The following RBFOX3 variants were observed in gnomAD, a reference collection of about 807,000 sequenced individuals.
The protein encoded by RBFOX3 is RNA binding fox-1 homolog 3.
Under a neutral mutation model 48.7 loss-of-function variants are expected in RBFOX3, and 17 were observed. That is an observed-to-expected ratio of 0.35 (90% CI 0.24 to 0.52). The LOEUF (loss-of-function observed/expected upper bound fraction) is 0.52, where lower values mean the gene tolerates loss of function less well. RBFOX3 is among the 20% of genes least tolerant of loss of function. The probability of loss-of-function intolerance (pLI) is 0.94; values close to 1 mark genes in which losing one functional copy is unlikely to be tolerated. For missense variants in RBFOX3, 382 were observed against 497.5 expected (o/e 0.77, Z 2.21); for synonymous variants, 212 against 209.5 (o/e 1.01, Z -0.10).
At chr17:79,531,827 A>G (rs1048316555) in intron 1 of RBFOX3, among the ~76,000 whole-genome samples, 1 of 152,256 alleles carries the variant, frequency 6.6e-6, no homozygotes, top group Non-Finnish European at 1.5e-5. Flanking sequence ...CAATTTGTGC[A>G]AATCAATCAC....
At chr17:79,370,200 T>C (rs1020928035) in intron 2 of RBFOX3, among the ~76,000 whole-genome samples, 1 of 152,208 alleles carries the variant, frequency 6.6e-6, no homozygotes, top group African/African-American at 2.4e-5. Flanking sequence ...CTGACAGCAC[T>C]TGGACGTCAG....
At chr17:79,445,434 T>C (rs1555737597) in intron 2 of RBFOX3, among the ~76,000 whole-genome samples, 1 of 152,042 alleles carries the variant, frequency 6.6e-6, no homozygotes, top group African/African-American at 2.4e-5. Flanking sequence ...AGGAGGAGAC[T>C]CGATTCTCTA....
intron 4 of RBFOX3, among the ~76,000 whole-genome samples, chr17:79,125,363 T>C (rs1416336809): frequency 6.6e-6 from 1 of 152,238 alleles, no homozygotes; most frequent in African/African-American, 2.4e-5. Flanking sequence ...ATGACTCATC[T>C]GCCTGGAGGC....
the RBFOX3 span, among the ~76,000 whole-genome samples, chr17:79,654,918 G>A: frequency 5.9e-5 from 9 of 152,270 alleles, no homozygotes; most frequent in South Asian, 1.7e-3. Context: ...ACCGTCTAAG[G>A]ACTAAGATCT....
chr17:79,582,049 T>A (rs1391871485), intron 1 of RBFOX3, among the ~76,000 whole-genome samples: 1 of 138,574 alleles, frequency 7.2e-6, no homozygotes, highest in African/African-American at 2.7e-5. Flanking sequence ...TATGCATGCA[T>A]GTGCCTGCCC....
At chr17:79,604,640 G>A (rs1219708618) in intron 1 of RBFOX3, among the ~76,000 whole-genome samples, 7 of 152,354 alleles carry the variant, frequency 4.6e-5, no homozygotes, top group African/African-American at 1.7e-4. Flanking sequence ...ATCCAGGAGA[G>A]AAACCTCTAA....
intron 1 of RBFOX3, among the ~76,000 whole-genome samples, chr17:79,488,367 G>A (rs2149559954): frequency 6.6e-6 from 1 of 152,200 alleles, no homozygotes; most frequent in East Asian, 1.9e-4. Context: ...CCCTCCCCGG[G>A]GCCTACTGAC....
At chr17:79,396,485 AG>A (rs1208181991) in intron 2 of RBFOX3, among the ~76,000 whole-genome samples, 1 of 152,210 alleles carries the variant, frequency 6.6e-6, no homozygotes. Context: ...AGAAGAATTA[AG>A]GGTTTCTTTC....
rs1365742303 is a variant in RBFOX3, at chr17:79,391,211, C to T, written c.-174-83387G>A. Among the ~76,000 whole-genome samples, 2 of 152,066 alleles carry T rather than the reference C, an allele frequency of 1.3e-5. No individual in the cohort carries two copies. Among genetic ancestry groups the T allele is most frequent in the Admixed American group, 1.3e-4 (2 of 15,280 alleles). Reference sequence around the variant, plus strand: ...ACTCCAGCTTCTCTTCAACCGTCAGCGACTTCCCCACTGCTTGCAGGATGA... The same window carrying T: ...ACTCCAGCTTCTCTTCAACCGTCAGTGACTTCCCCACTGCTTGCAGGATGA... On this transcript the variant is annotated intron_variant, in intron 2 of 14. Coordinates refer to ENST00000693108, the MANE Select transcript of RBFOX3 (RefSeq NM_001350451.2). This position sits in a 1 kb window ranked among gnomAD's most constrained non-coding sequence, Gnocchi z 5.0.
intron 3 of RBFOX3, among the ~76,000 whole-genome samples, chr17:79,253,134 C>G (rs1427590493): frequency 6.6e-6 from 1 of 152,104 alleles, no homozygotes; most frequent in Non-Finnish European, 1.5e-5. Context: ...TCCTGGCGGC[C>G]GACAGACACC....
At chr17:79,582,213 C>T (rs921656119) in intron 1 of RBFOX3, among the ~76,000 whole-genome samples, 6,957 of 136,502 alleles carry the variant, frequency 0.051, 313 homozygotes, top group African/African-American at 0.093. Flanking sequence ...TGTGCCTGTG[C>T]GTGCCTGTGT....
intron 3 of RBFOX3, among the ~76,000 whole-genome samples, chr17:79,266,060 G>A (rs1194392972): frequency 1.3e-5 from 2 of 152,264 alleles, no homozygotes; most frequent in African/African-American, 4.8e-5. Flanking sequence ...CCGGGCAGGT[G>A]AGACTGTCTG....
intron 4 of RBFOX3, among the ~76,000 whole-genome samples, chr17:79,142,524 T>G (rs1300888078): frequency 6.6e-6 from 1 of 152,062 alleles, no homozygotes; most frequent in Non-Finnish European, 1.5e-5. Flanking sequence ...GGCCAGCAGA[T>G]CTGCCCCTAC....
intron 4 of RBFOX3, among the ~76,000 whole-genome samples, chr17:79,143,402 A>C (rs2042337501): frequency 6.9e-6 from 1 of 143,902 alleles, no homozygotes; most frequent in Non-Finnish European, 1.5e-5. Context: ...CTATAAATCC[A>C]TCTCAGGCAT....
intron 2 of RBFOX3, among the ~76,000 whole-genome samples, chr17:79,383,275 G>A (rs2060161388): frequency 6.6e-6 from 1 of 152,206 alleles, no homozygotes; most frequent in Non-Finnish European, 1.5e-5. Flanking sequence ...CCTCTCCCCA[G>A]GACAGGCTGT....
At chr17:79,182,755 G>A (rs115786259) in intron 4 of RBFOX3, among the ~76,000 whole-genome samples, 4,351 of 150,238 alleles carry the variant, frequency 0.029, 214 homozygotes, top group African/African-American at 0.1. Flanking sequence ...CTCGCCAGGC[G>A]GGTGGCCCAC....
At chr17:79,493,656 T>C (rs1306238372) in intron 1 of RBFOX3, among the ~76,000 whole-genome samples, 5 of 152,228 alleles carry the variant, frequency 3.3e-5, no homozygotes, top group Admixed American at 3.3e-4. Context: ...TAATTATATT[T>C]TCATTTGTTT....
chr17:79,103,662 G>C lies in RBFOX3; in HGVS notation c.415-408C>G, dbSNP rs972900084. Among the ~76,000 whole-genome samples, 1 of 152,128 alleles carries C rather than the reference G, an allele frequency of 6.6e-6. No individual in the cohort carries two copies. Among genetic ancestry groups the C allele is most frequent in the East Asian group, 1.9e-4 (1 of 5,186 alleles). On this transcript the variant is annotated intron_variant, in intron 7 of 14. Transcript: ENST00000693108. This position sits in a 1 kb window ranked among gnomAD's most constrained non-coding sequence, Gnocchi z 6.1. Reference sequence around the variant, plus strand: ...GGGCAGCCCACCCATCTCCACCCTCGGAGCCCAGGGTAGAGGGTCGTGCCT... The same window carrying C: ...GGGCAGCCCACCCATCTCCACCCTCCGAGCCCAGGGTAGAGGGTCGTGCCT...
intron 1 of RBFOX3, among the ~76,000 whole-genome samples, chr17:79,533,509 C>T (rs576336909): frequency 1.3e-5 from 2 of 152,350 alleles, no homozygotes; most frequent in South Asian, 2.1e-4. Flanking sequence ...CTCTCCTGGC[C>T]GACTGGGGGA....
Sources: gnomAD v4.1 joint callset for allele counts (sites outside exome capture counted in the v4.1 genomes callset) on GRCh38, gnomAD v4.1.1 for gene constraint, Gnocchi (gnomAD v3.1) non-coding constraint, MANE v1.5 for transcripts, NCBI Gene and HGNC (gene_info 2026-07-23, HGNC 2026-07-21) for gene names.